CSDE1: variants seen among roughly 807,000 people sequenced by gnomAD.
CSDE1 encodes cold shock domain-containing protein E1.
CSDE1 carries 17 observed loss-of-function variants against 89.3 expected under a neutral mutation model. That is an observed-to-expected ratio of 0.19 (90% CI 0.13 to 0.29). The LOEUF (loss-of-function observed/expected upper bound fraction) is 0.29, where lower values mean the gene tolerates loss of function less well. CSDE1 is among the 10% of genes least tolerant of loss of function. The pLI, the probability that CSDE1 is intolerant of heterozygous loss-of-function variation, is 1.00. For missense variants in CSDE1, 672 were observed against 984.2 expected (o/e 0.68, Z 4.24); for synonymous variants, 322 against 332.8 (o/e 0.97, Z 0.35).
intron 12 of CSDE1, among the ~76,000 whole-genome samples, chr1:114,728,824 G>C (rs1659944442): frequency 6.6e-6 from 1 of 152,182 alleles, no homozygotes; most frequent in South Asian, 2.1e-4. Flanking sequence ...TAAGTGATAA[G>C]CAAGATACTA....
At chr1:114,720,914 G>T (rs938561492) in intron 16 of CSDE1, among the ~76,000 whole-genome samples, 197 bp from the exon 17 acceptor site, 2 of 152,158 alleles carry the variant, frequency 1.3e-5, no homozygotes, top group Non-Finnish European at 2.9e-5. Flanking sequence ...AAATGAGAAT[G>T]TCACAGCTCC....
At chr1:114,727,144 A>G in intron 12 of CSDE1, 54 bp from the exon 13 acceptor site, 2 of 1,257,854 alleles carry the variant, frequency 1.6e-6, no homozygotes, top group South Asian at 1.2e-5. Flanking sequence ...ACAAAAACCA[A>G]TAAAAACAAC....
chr1:114,753,873 G>A (rs1290031914), intron 1 of CSDE1, among the ~76,000 whole-genome samples: 1 of 152,076 alleles, frequency 6.6e-6, no homozygotes, highest in East Asian at 1.9e-4. Context: ...CTATGACTGT[G>A]CCACTGCACT....
Position 114,730,239 on chromosome 1 carries a change from T to C in CSDE1, c.1356+19A>G. 2 of 1,608,498 alleles carry C rather than the reference T, an allele frequency of 1.2e-6. No homozygotes were observed. The highest frequency in any genetic ancestry group is 1.7e-6 in the Non-Finnish European group (2 of 1,178,190). ...GAAATAAACAGCTACAAAAATCATTTGGATTATGCAAAACCTACCTTCTCT... is the reference window on the plus strand; with the variant it reads ...GAAATAAACAGCTACAAAAATCATTCGGATTATGCAAAACCTACCTTCTCT... On this transcript the variant is annotated intron_variant, in intron 12 of 19. Coordinates refer to ENST00000358528, the MANE Select transcript of CSDE1 (RefSeq NM_001007553.3).
Position 114,730,364 on chromosome 1 carries a change from G to A in CSDE1, c.1250C>T (p.Thr417Met), listed in dbSNP as rs536073175. The change falls in exon 12 of 20, where the codon ACG becomes ATG. Residue 417 changes from threonine to methionine, a missense_variant. Thr to Met is a moderately conservative substitution (Grantham distance 81). This residue lies in a region of CSDE1 where 169 missense variants were observed against 262.9 expected (regional missense o/e 0.64). Transcript: ENST00000358528. ...AIRIKKLPKGTVSFHSHSDHR... is the reference protein window; with the variant it reads ...AIRIKKLPKGMVSFHSHSDHR... ...ATCTGAATGGGAATGAAATGAAACC[G>A]TGCCCTTGGGAAGTTTTTTAATCCT... 6.8e-6 allele frequency: 11 copies of A among 1,614,096 alleles called. No homozygotes were observed. Among genetic ancestry groups the A allele is most frequent in the Admixed American group, 1.7e-5 (1 of 60,016 alleles).
intron 12 of CSDE1, among the ~76,000 whole-genome samples, chr1:114,729,526 A>G (rs1355120749): frequency 6.6e-6 from 1 of 151,934 alleles, no homozygotes; most frequent in Non-Finnish European, 1.5e-5. Context: ...AAAAAAAAAA[A>G]AAAAAAATTC....
intron 1 of CSDE1, among the ~76,000 whole-genome samples, chr1:114,757,614 C>T (rs1046796456): frequency 6.6e-6 from 1 of 152,112 alleles, no homozygotes; most frequent in Non-Finnish European, 1.5e-5. Flanking sequence ...CCTCTGCCTC[C>T]ATCTTGGCTG....
chr1:114,721,415 C>G (rs1243760801), intron 16 of CSDE1, among the ~76,000 whole-genome samples: 2 of 152,132 alleles, frequency 1.3e-5, no homozygotes, highest in Admixed American at 6.5e-5. Context: ...TATGAAGTTG[C>G]CTGGAGCCCG....
At chr1:114,751,068 G>A (rs1570958437) in intron 1 of CSDE1, among the ~76,000 whole-genome samples, 1 of 152,208 alleles carries the variant, frequency 6.6e-6, no homozygotes, top group Non-Finnish European at 1.5e-5. Context: ...GCATTTCAAC[G>A]TGATGTAACA....
intron 10 of CSDE1, among the ~76,000 whole-genome samples, chr1:114,732,124 A>T (rs546111004): frequency 6.6e-5 from 10 of 151,732 alleles, no homozygotes; most frequent in South Asian, 2.1e-4. Context: ...TTTTTTTTTT[A>T]AAAAAGCTCA....
chr1:114,740,013 G>C, intron 2 of CSDE1, 123 bp from the exon 3 acceptor site: 9 of 717,414 alleles, frequency 1.3e-5, no homozygotes, highest in Middle Eastern at 3.9e-4. Flanking sequence ...ATGAAGGGAA[G>C]ATTATAGACT....
At chr1:114,729,416 T>C (rs1160606710) in intron 12 of CSDE1, among the ~76,000 whole-genome samples, 1 of 151,308 alleles carries the variant, frequency 6.6e-6, no homozygotes, top group African/African-American at 2.4e-5. Flanking sequence ...CTAAATTCTT[T>C]AGAGCAGCAA....
At chr1:114,723,618 T>C (rs1445509138) in intron 16 of CSDE1, among the ~76,000 whole-genome samples, 1 of 120,680 alleles carries the variant, frequency 8.3e-6, no homozygotes, top group Admixed American at 8.6e-5. Context: ...TCAGAGTTTG[T>C]TGTTAAGTCT....
chr1:114,719,484 A>T, intron 18 of CSDE1, 95 bp downstream of exon 18: 6 of 1,217,472 alleles, frequency 4.9e-6, no homozygotes, highest in Non-Finnish European at 6.8e-6. Flanking sequence ...AAGTGGCAGA[A>T]GACAAGGCAC....
intron 2 of CSDE1, among the ~76,000 whole-genome samples, chr1:114,747,361 G>C (rs1432984217): frequency 6.6e-6 from 1 of 152,096 alleles, no homozygotes; most frequent in African/African-American, 2.4e-5. Flanking sequence ...TACAACCACA[G>C]CCATGTTTTA....
At chr1:114,730,126 T>C in intron 12 of CSDE1, 132 bp downstream of exon 12, 1 of 1,015,110 alleles carries the variant, frequency 9.9e-7, no homozygotes, top group Non-Finnish European at 1.4e-6. Flanking sequence ...CTTTGTTTAG[T>C]TCACTGTTAA....
intron 2 of CSDE1, among the ~76,000 whole-genome samples, chr1:114,742,973 ACT>A (rs1258741319): frequency 6.6e-6 from 1 of 152,156 alleles, no homozygotes; most frequent in East Asian, 1.9e-4. Context: ...TATTTGTACC[ACT>A]GTGTTTTACA....
chr1:114,746,313 A>AT (rs1661007550), intron 2 of CSDE1, among the ~76,000 whole-genome samples: 1 of 152,224 alleles, frequency 6.6e-6, no homozygotes, highest in African/African-American at 2.4e-5. Flanking sequence ...CTGAAGTTTT[A>AT]TAACTTTGTA....
intron 3 of CSDE1, among the ~76,000 whole-genome samples, chr1:114,739,176 T>C (rs12405746): frequency 6.6e-6 from 1 of 151,968 alleles, no homozygotes; most frequent in African/African-American, 2.4e-5. Context: ...GGACTACAGG[T>C]GCCTGCCACC....
Sources: gnomAD v4.1 joint callset for allele counts (sites outside exome capture counted in the v4.1 genomes callset) on GRCh38, gnomAD v4.1.1 for gene constraint, gnomAD v4.1.1 regional missense constraint, MANE v1.5 for transcripts, NCBI Gene and HGNC (gene_info 2026-07-23, HGNC 2026-07-21) for gene names.